The following TGFBR3 variants were observed in gnomAD, a reference collection of about 807,000 sequenced individuals.
TGFBR3 encodes transforming growth factor beta receptor type 3.
A neutral mutation model predicts 87.9 loss-of-function variants in TGFBR3; 46 were observed. The observed-to-expected ratio is 0.52, with a 90% CI of 0.41 to 0.67. TGFBR3 has a LOEUF of 0.67. Among genes scored for constraint, TGFBR3 ranks in the 30% least tolerant of loss-of-function variants. The pLI is 0.00. For missense variants in TGFBR3, 866 were observed against 1,041.9 expected (o/e 0.83, Z 2.32); for synonymous variants, 381 against 391.6 (o/e 0.97, Z 0.32).
chr1:91,856,348 G>GA lies in TGFBR3; in HGVS notation c.61+5122dup, dbSNP rs1311857976. On this transcript the variant is annotated intron_variant, in intron 2 of 16. Coordinates refer to ENST00000212355, the MANE Select transcript of TGFBR3 (RefSeq NM_003243.5). ...CCCAAAGTGCTGGGATTACAGGCGT[G>GA]AGCCACCACGCCCAGCCGAAAGCAT... is the stretch of plus-strand genomic sequence containing the variant. Among the ~76,000 whole-genome samples, 7 of 152,252 alleles carry GA rather than the reference G, an allele frequency of 4.6e-5. No individual in the cohort carries two copies. The East Asian group carries it at 1.4e-3, about 29-fold the overall frequency.
chr1:91,751,262 T>C (rs910491400), intron 4 of TGFBR3, among the ~76,000 whole-genome samples: 2 of 152,098 alleles, frequency 1.3e-5, no homozygotes, highest in African/African-American at 4.8e-5. Context: ...GAATACAGAA[T>C]TTTTTTTAAA....
intron 16 of TGFBR3, among the ~76,000 whole-genome samples, chr1:91,689,780 T>C (rs12082710): frequency 0.38 from 53,159 of 139,718 alleles, 9,768 homozygotes; most frequent in Middle Eastern, 0.44. Context: ...TCTCGCTACG[T>C]AAAAAGGAAA....
Position 91,796,968 on chromosome 1 carries a change from G to A in TGFBR3, c.246+319C>T, listed in dbSNP as rs189331742. Among the ~76,000 whole-genome samples, 379 of 151,808 alleles carry A rather than the reference G, an allele frequency of 2.5e-3. 2 individuals carry two copies. Among genetic ancestry groups the A allele is most frequent in the Non-Finnish European group, 3.7e-3 (249 of 67,948 alleles). ...TGGTCTTGAACTCCTGAGCTCATGCGATCCTCCCACCTTGGCCTCTCAAAG... is the reference window on the plus strand; with the variant it reads ...TGGTCTTGAACTCCTGAGCTCATGCAATCCTCCCACCTTGGCCTCTCAAAG... On this transcript the variant is annotated intron_variant, in intron 3 of 16. Transcript: ENST00000212355.
rs368179477 is a variant in TGFBR3, at chr1:91,698,137, C to T, written c.2288-7G>A. On this transcript the variant is annotated splice_region_variant and splice_polypyrimidine_tract_variant and intron_variant, in intron 14 of 16. Coordinates refer to ENST00000212355, the MANE Select transcript of TGFBR3 (RefSeq NM_003243.5). ...TTCATGCTTGGACCTTTTTCTGAAA[C>T]AAAAACATAAATCACAATGTATTCT... 5.0e-6 allele frequency: 8 copies of T among 1,613,016 alleles called. No individual in the cohort carries two copies. In the East Asian group the frequency reaches 6.7e-5, roughly 13 times the overall value.
intron 2 of TGFBR3, among the ~76,000 whole-genome samples, chr1:91,895,486 ATTTC>A (rs1275757099): frequency 1.3e-5 from 2 of 152,082 alleles, no homozygotes; most frequent in South Asian, 2.1e-4. Context: ...AGTATCAGGT[ATTTC>A]TTTATTTTTT....
intron 3 of TGFBR3, among the ~76,000 whole-genome samples, chr1:91,796,930 A>G (rs1309220607): frequency 6.6e-6 from 1 of 150,930 alleles, no homozygotes; most frequent in Non-Finnish European, 1.5e-5. Context: ...AGGTCTTGCT[A>G]TGTTTCCCAG....
chr1:91,765,865 C>T (rs1178282961), intron 3 of TGFBR3, among the ~76,000 whole-genome samples: 1 of 152,114 alleles, frequency 6.6e-6, no homozygotes, highest in African/African-American at 2.4e-5. Context: ...TGAAGAAACT[C>T]AATATTTGCA....
At chr1:91,773,853 T>C (rs774505647) in intron 3 of TGFBR3, among the ~76,000 whole-genome samples, 5 of 152,216 alleles carry the variant, frequency 3.3e-5, no homozygotes, top group Admixed American at 6.5e-5. Context: ...GAGAACAAAA[T>C]AGAAGTGCTT....
chr1:91,792,905 G>A (rs938428494), intron 3 of TGFBR3, among the ~76,000 whole-genome samples: 2 of 152,174 alleles, frequency 1.3e-5, no homozygotes, highest in Non-Finnish European at 1.5e-5. Context: ...CCAGTTTCCT[G>A]TTCGCTTCCA....
chr1:91,837,869 G>A (rs1677117788), intron 2 of TGFBR3, among the ~76,000 whole-genome samples: 1 of 152,090 alleles, frequency 6.6e-6, no homozygotes, highest in Non-Finnish European at 1.5e-5. Context: ...AAAAGTCCCT[G>A]GAGTCCCTGC....
At chr1:91,889,514 T>C (rs1006509343), upstream of TGFBR3, among the ~76,000 whole-genome samples, 9 of 152,152 alleles carry the variant, frequency 5.9e-5, no homozygotes, top group Admixed American at 2.0e-4. Context: ...ATTTACAAAA[T>C]TAACAATGTC....
chr1:91,805,737 A>G (rs1409426140), intron 2 of TGFBR3, among the ~76,000 whole-genome samples: 1 of 152,176 alleles, frequency 6.6e-6, no homozygotes, highest in Non-Finnish European at 1.5e-5. Context: ...CTTCATATGT[A>G]TGGTTACCAC....
intron 3 of TGFBR3, among the ~76,000 whole-genome samples, chr1:91,768,378 C>G (rs1337532368): frequency 2.0e-5 from 3 of 152,138 alleles, no homozygotes; most frequent in Non-Finnish European, 4.4e-5. Context: ...CACCTTAGAA[C>G]CTTGTCCAGT....
rs1252981603 is a variant in TGFBR3, at chr1:91,716,251, T to C, written c.1851A>G (p.Gly617=). Residue 617 remains glycine (G), a synonymous_variant, in exon 12 of 17, where the codon GGA becomes GGG. Transcript: ENST00000212355. ...CAGGTCTCACCTCAACATAAACGTG[T>C]CCATTCTCTGGCACAGAGAAGACGC... ...SQGVFSVPEN[G]HVYVEVSVTK... is the part of the protein sequence containing the mutation. 2.5e-6 allele frequency: 4 copies of C among 1,613,926 alleles called. No individual in the cohort carries two copies. Among genetic ancestry groups the C allele is most frequent in the Non-Finnish European group, 3.4e-6 (4 of 1,180,010 alleles).
chr1:91,868,311 T>C (rs1678455037), intron 1 of TGFBR3, among the ~76,000 whole-genome samples: 1 of 152,232 alleles, frequency 6.6e-6, no homozygotes, highest in South Asian at 2.1e-4. Context: ...AAACTACTAG[T>C]AGCAAGGCAA....
intron 3 of TGFBR3, among the ~76,000 whole-genome samples, chr1:91,782,370 A>C (rs1233579028): frequency 2.0e-5 from 3 of 152,182 alleles, no homozygotes; most frequent in Non-Finnish European, 2.9e-5. Context: ...CGAATTTAAG[A>C]CAGCTTGGCA....
intron 1 of TGFBR3, among the ~76,000 whole-genome samples, chr1:91,875,910 CAAAAAAA>C (rs34185299): frequency 6.2e-5 from 4 of 64,154 alleles, no homozygotes; most frequent in Non-Finnish European, 1.3e-4. Context: ...GACTCCGTCT[CAAAAAAA>C]AAAAAAAAAA....
At position 91,704,340 on chromosome 1, in the gene TGFBR3, A is replaced by AAAG. The variant is rs899757374; in HGVS notation, c.2287+4322_2287+4323insCTT. ...GAGACTTTGTCTCAAAAAAAAAAAA[A>AAAG]AAAGAAAGAAAGAAAGAAAGAAAAG... On this transcript the variant is annotated intron_variant, in intron 14 of 16. Coordinates refer to ENST00000212355, the MANE Select transcript of TGFBR3 (RefSeq NM_003243.5). Among the ~76,000 whole-genome samples the AAAG allele has an allele frequency of 6.1e-3, 922 of 150,412 alleles. 15 individuals carry two copies. Among genetic ancestry groups the AAAG allele is most frequent in the African/African-American group, 0.022 (888 of 40,624 alleles).
intron 1 of TGFBR3, among the ~76,000 whole-genome samples, chr1:91,872,811 T>A (rs1678632526): frequency 6.6e-6 from 1 of 152,296 alleles, no homozygotes; most frequent in South Asian, 2.1e-4. Context: ...ATGGGAGTCT[T>A]CCCAAACCAC....
Sources: gnomAD v4.1 joint callset for allele counts (sites outside exome capture counted in the v4.1 genomes callset) on GRCh38, gnomAD v4.1.1 for gene constraint, MANE v1.5 for transcripts, NCBI Gene and HGNC (gene_info 2026-07-23, HGNC 2026-07-21) for gene names.